Variants in CA10 observed in about 807,000 individuals in gnomAD.
CA10 encodes the protein carbonic anhydrase-related protein 10.
In CA10, 14 loss-of-function variants were observed where a neutral mutation model predicts 44.2. The ratio of observed to expected loss-of-function variants is 0.32; its 90% CI spans 0.21 to 0.50. The LOEUF (loss-of-function observed/expected upper bound fraction) is 0.50. CA10 is among the 20% of genes least tolerant of loss of function. The probability of loss-of-function intolerance (pLI) is 0.99; values close to 1 mark genes in which losing one functional copy is unlikely to be tolerated. For missense variants in CA10, 350 were observed against 409.7 expected (o/e 0.85, Z 1.26); for synonymous variants, 159 against 141.6 (o/e 1.12, Z -0.87).
At chr17:52,000,059 T>A (rs1985370044) in intron 2 of CA10, among the ~76,000 whole-genome samples, 1 of 151,912 alleles carries the variant, frequency 6.6e-6, no homozygotes, top group African/African-American at 2.4e-5. Context: ...GTGCTAAGGG[T>A]TTTTTCTTTC....
chr17:51,823,779 C>T (rs1907907090), intron 3 of CA10, among the ~76,000 whole-genome samples: 1 of 152,168 alleles, frequency 6.6e-6, no homozygotes, highest in Non-Finnish European at 1.5e-5. Flanking sequence ...TCTGTGGGTC[C>T]CAACCTGTCA....
At chr17:51,856,569 C>T (rs538685992) in intron 3 of CA10, among the ~76,000 whole-genome samples, 1 of 152,236 alleles carries the variant, frequency 6.6e-6, no homozygotes, top group South Asian at 2.1e-4. Context: ...GCATAAACAC[C>T]AAACTTCTGC....
At chr17:51,863,684 TCAATAGAAC>T (rs1663865768) in intron 3 of CA10, among the ~76,000 whole-genome samples, 2 of 152,106 alleles carry the variant, frequency 1.3e-5, no homozygotes, top group African/African-American at 2.4e-5. Context: ...GTTTGGTAAT[TCAATAGAAC>T]TCCTCCCAGA....
intron 3 of CA10, among the ~76,000 whole-genome samples, chr17:51,811,598 C>T (rs1295259965): frequency 2.6e-5 from 4 of 152,106 alleles, no homozygotes; most frequent in Admixed American, 1.3e-4. Flanking sequence ...ATTCATGTCC[C>T]TGAAAAGGAC....
intron 4 of CA10, among the ~76,000 whole-genome samples, chr17:51,747,049 T>A (rs1224191179): frequency 6.6e-6 from 1 of 152,190 alleles, no homozygotes; most frequent in Non-Finnish European, 1.5e-5. Context: ...GACAACTGTT[T>A]AAACTGTAGC....
intron 6 of CA10, among the ~76,000 whole-genome samples, chr17:51,645,750 A>G (rs1460257545): frequency 1.3e-5 from 2 of 152,348 alleles, no homozygotes; most frequent in Admixed American, 6.5e-5. Flanking sequence ...AGCAGAGGAA[A>G]CAGTACCCAG....
At chr17:52,132,498 AG>A (rs1415353088) in intron 1 of CA10, among the ~76,000 whole-genome samples, 1 of 152,234 alleles carries the variant, frequency 6.6e-6, no homozygotes, top group Non-Finnish European at 1.5e-5. Context: ...TAAAGGAGAA[AG>A]GTGTGCTGTA....
rs74479707 is a variant in CA10, at chr17:52,041,682, T to C, written c.136+30637A>G. On this transcript the variant is annotated intron_variant, in intron 2 of 8. Coordinates refer to ENST00000451037, the MANE Select transcript of CA10 (RefSeq NM_020178.5). ...CTGTACATTAGATACTCAGTACTTA[T>C]TCATCTTGTAATGAAAGTCTGTACT... 4.6e-5 allele frequency among the ~76,000 whole-genome samples: 7 copies of C among 152,264 alleles called. No homozygotes were observed. The East Asian group carries it at 9.7e-4, about 21-fold the overall frequency.
At chr17:51,646,849 T>C (rs1292614259) in intron 6 of CA10, among the ~76,000 whole-genome samples, 1 of 152,222 alleles carries the variant, frequency 6.6e-6, no homozygotes, top group Non-Finnish European at 1.5e-5. Flanking sequence ...GCCATCATTA[T>C]TCCTGCAGTG....
At chr17:52,084,429 G>C (rs1477536723) in intron 1 of CA10, among the ~76,000 whole-genome samples, 1 of 141,154 alleles carries the variant, frequency 7.1e-6, no homozygotes, top group South Asian at 2.5e-4. Context: ...GGTAGAGCCA[G>C]TGAATTATGA....
At chr17:51,754,212 C>T (rs1001662562) in intron 3 of CA10, among the ~76,000 whole-genome samples, 1 of 150,966 alleles carries the variant, frequency 6.6e-6, no homozygotes, top group African/African-American at 2.4e-5. Flanking sequence ...GTGTAGGAGC[C>T]TCACAGTAGT....
chr17:51,684,633 T>A (rs1281469800), intron 4 of CA10, among the ~76,000 whole-genome samples: 1 of 152,206 alleles, frequency 6.6e-6, no homozygotes, highest in African/African-American at 2.4e-5. Context: ...AGCAGAATTT[T>A]AAAAATACAT....
At chr17:51,849,194 TATACATATATGTATATATATATATAC>T in intron 3 of CA10, among the ~76,000 whole-genome samples, 1 of 67,854 alleles carries the variant, frequency 1.5e-5, no homozygotes, top group Non-Finnish European at 2.5e-5. Context: ...TATATATATA[TATACATATATGTATATATATATATAC>T]ATATATGTGT....
intron 2 of CA10, among the ~76,000 whole-genome samples, chr17:52,001,906 C>T (rs900980525): frequency 5.3e-5 from 8 of 151,934 alleles, no homozygotes; most frequent in Admixed American, 2.6e-4. Flanking sequence ...CTCAGGGCAG[C>T]CTTCCATTTG....
chr17:52,004,959 C>T (rs1439120646), intron 2 of CA10, among the ~76,000 whole-genome samples: 1 of 151,774 alleles, frequency 6.6e-6, no homozygotes, highest in Non-Finnish European at 1.5e-5. Flanking sequence ...CTCTTTTTCC[C>T]CCTCAAGTCA....
At chr17:52,034,553 G>C (rs573754486) in intron 2 of CA10, among the ~76,000 whole-genome samples, 12 of 152,224 alleles carry the variant, frequency 7.9e-5, no homozygotes, top group African/African-American at 2.9e-4. Flanking sequence ...ATAGAGCTGG[G>C]GGATGGTTAC....
Position 51,733,457 on chromosome 17 carries a change from G to C in CA10, c.465+14176C>G, listed in dbSNP as rs947649166. 2.0e-5 allele frequency among the ~76,000 whole-genome samples: 3 copies of C among 152,136 alleles called. No homozygotes were observed. In the East Asian group the frequency reaches 5.8e-4, roughly 29 times the overall value. On this transcript the variant is annotated intron_variant, in intron 4 of 8. Transcript: ENST00000451037. ...ACAAGCGAGACAGGATTTGAAAGGG[G>C]CTTGTTTTGAGTGCTTTGGAATCAA...
intron 2 of CA10, among the ~76,000 whole-genome samples, chr17:52,027,569 A>G (rs540529726): frequency 6.6e-6 from 1 of 152,292 alleles, no homozygotes; most frequent in Admixed American, 6.5e-5. Context: ...CATAGAAATT[A>G]CATTTTAAAA....
intron 1 of CA10, among the ~76,000 whole-genome samples, chr17:52,097,507 T>A (rs912549916): frequency 2.6e-5 from 4 of 152,228 alleles, no homozygotes; most frequent in African/African-American, 9.6e-5. Context: ...AGAAGTTTTT[T>A]AAAATTGAAC....
Sources: gnomAD v4.1 joint callset for allele counts (sites outside exome capture counted in the v4.1 genomes callset) on GRCh38, gnomAD v4.1.1 for gene constraint, MANE v1.5 for transcripts, NCBI Gene and HGNC (gene_info 2026-07-23, HGNC 2026-07-21) for gene names.